The following RBMS3 variants were observed in gnomAD, a reference collection of about 807,000 sequenced individuals.
RBMS3 encodes RNA-binding motif, single-stranded-interacting protein 3.
RBMS3 carries 27 observed loss-of-function variants against 66.8 expected under a neutral mutation model. The ratio of observed to expected loss-of-function variants is 0.40; its 90% CI spans 0.30 to 0.56. The LOEUF is 0.56. Among genes scored for constraint, RBMS3 ranks in the 20% least tolerant of loss-of-function variants. The pLI is 0.40. For missense variants in RBMS3, 513 were observed against 549.5 expected (o/e 0.93, Z 0.66); for synonymous variants, 188 against 183.0 (o/e 1.03, Z -0.22).
At chr3:29,419,495 A>C (rs1368998829) in intron 1 of RBMS3, among the ~76,000 whole-genome samples, 1 of 152,138 alleles carries the variant, frequency 6.6e-6, no homozygotes, top group Non-Finnish European at 1.5e-5. Context: ...ATTATCATAA[A>C]TTTTCTCTAA....
intron 3 of RBMS3, among the ~76,000 whole-genome samples, chr3:29,514,142 T>C (rs77815090): frequency 0.062 from 9,499 of 152,224 alleles, 509 homozygotes; most frequent in African/African-American, 0.14. Context: ...ATAGAGTATG[T>C]AAGGAAGGGA....
chr3:29,509,226 G>C (rs1347428801), intron 3 of RBMS3, among the ~76,000 whole-genome samples: 1 of 151,890 alleles, frequency 6.6e-6, no homozygotes, highest in Non-Finnish European at 1.5e-5. Context: ...TGATGGCTCT[G>C]GTCAATTCTT....
intron 4 of RBMS3, among the ~76,000 whole-genome samples, chr3:29,654,110 T>C (rs1159547659): frequency 3.9e-5 from 6 of 152,198 alleles, no homozygotes; most frequent in Admixed American, 3.9e-4. Context: ...AGCTGGCACT[T>C]CTGCCCTTTC....
At chr3:29,697,093 C>T in intron 4 of RBMS3, 3 of 985,240 alleles carry the variant, frequency 3.0e-6, no homozygotes, top group Non-Finnish European at 3.6e-6. Context: ...ATGGTAAGGA[C>T]AAGGTAATAT....
chr3:29,285,353 G>T (rs1379118892), intron 1 of RBMS3, among the ~76,000 whole-genome samples: 2 of 151,798 alleles, frequency 1.3e-5, no homozygotes, highest in African/African-American at 4.8e-5. Flanking sequence ...CCGGTGAATT[G>T]ATTTTTTTCC....
chr3:29,731,003 G>A (rs944906198), intron 4 of RBMS3: 122 of 985,244 alleles, frequency 1.2e-4, no homozygotes, highest in African/African-American at 1.7e-4. Flanking sequence ...CCTGTTCCAG[G>A]ACCAAAGGTA....
chr3:29,909,435 A>G (rs947923778), intron 10 of RBMS3, among the ~76,000 whole-genome samples: 4 of 152,156 alleles, frequency 2.6e-5, no homozygotes, highest in East Asian at 1.9e-4. Flanking sequence ...AAGTCTTTGT[A>G]TATAAAGTCA....
chr3:29,341,034 A>G (rs759092346), intron 1 of RBMS3, among the ~76,000 whole-genome samples: 1 of 152,098 alleles, frequency 6.6e-6, no homozygotes, highest in African/African-American at 2.4e-5. Flanking sequence ...CCACTCTTGC[A>G]GTGATTAAGG....
intron 6 of RBMS3, among the ~76,000 whole-genome samples, chr3:29,847,454 T>C (rs1478930049): frequency 6.6e-6 from 1 of 152,182 alleles, no homozygotes; most frequent in East Asian, 1.9e-4. Flanking sequence ...TGGGCAAAGA[T>C]TAAAATTACC....
At chr3:29,389,410 A>T (rs977477733) in intron 1 of RBMS3, among the ~76,000 whole-genome samples, 6 of 152,330 alleles carry the variant, frequency 3.9e-5, no homozygotes, top group African/African-American at 1.4e-4. Context: ...ATTCACTGGC[A>T]TTAAGTACCT....
chr3:29,511,471 C>A (rs1368220497), intron 3 of RBMS3, among the ~76,000 whole-genome samples: 1 of 152,084 alleles, frequency 6.6e-6, no homozygotes, highest in East Asian at 1.9e-4. Context: ...ATGTGGAGAA[C>A]TAGTTTTACT....
At chr3:29,959,651 T>TA (rs1331315281) in intron 12 of RBMS3, among the ~76,000 whole-genome samples, 1 of 152,110 alleles carries the variant, frequency 6.6e-6, no homozygotes, top group Admixed American at 6.6e-5. Context: ...GAGTAATGTG[T>TA]AAAGGAAAGA....
intron 1 of RBMS3, among the ~76,000 whole-genome samples, chr3:29,399,170 C>G (rs773287570): frequency 1.3e-5 from 2 of 152,034 alleles, no homozygotes; most frequent in Non-Finnish European, 2.9e-5. Context: ...TGACTTCAAA[C>G]AAATAAAGTC....
intron 4 of RBMS3, among the ~76,000 whole-genome samples, chr3:29,725,710 G>A (rs1234450373): frequency 2.0e-5 from 3 of 152,050 alleles, no homozygotes; most frequent in East Asian, 1.9e-4. Flanking sequence ...AATTGAGACA[G>A]TAATTAATAC....
intron 3 of RBMS3, among the ~76,000 whole-genome samples, chr3:29,529,283 A>C (rs568787755): frequency 6.6e-6 from 1 of 152,290 alleles, no homozygotes; most frequent in Non-Finnish European, 1.5e-5. Context: ...TTTTCTCATA[A>C]ACAGGATCTA....
chr3:29,404,052 G>A (rs2039916698), intron 1 of RBMS3, among the ~76,000 whole-genome samples: 1 of 151,996 alleles, frequency 6.6e-6, no homozygotes, highest in African/African-American at 2.4e-5. Flanking sequence ...GGCCCAAAAG[G>A]GCTGATGTCC....
chr3:29,361,155 C>A (rs892188073), intron 1 of RBMS3, among the ~76,000 whole-genome samples: 2 of 152,054 alleles, frequency 1.3e-5, no homozygotes, highest in African/African-American at 4.8e-5. Context: ...ATAGTCTTTA[C>A]AATTTAGCAT....
At chr3:29,992,352 C>A (rs887671341) in intron 14 of RBMS3, among the ~76,000 whole-genome samples, 1 of 152,000 alleles carries the variant, frequency 6.6e-6, no homozygotes, top group African/African-American at 2.4e-5. Flanking sequence ...TATGGGAGGC[C>A]GAGGCGGGCG....
At chr3:29,946,490 T>C (rs1695321798) in intron 12 of RBMS3, among the ~76,000 whole-genome samples, 1 of 151,714 alleles carries the variant, frequency 6.6e-6, no homozygotes, top group African/African-American at 2.4e-5. Context: ...ACAAAAGTAC[T>C]GGGGATACAA....
Sources: allele counts gnomAD v4.1 joint callset (sites outside exome capture counted in the v4.1 genomes callset), GRCh38; gene constraint gnomAD v4.1.1; transcripts MANE v1.5; gene names NCBI Gene and HGNC (gene_info 2026-07-23, HGNC 2026-07-21).